Variants in ABLIM1 observed in about 807,000 individuals in gnomAD.
ABLIM1 encodes actin binding LIM protein 1.
Under a neutral mutation model 107.0 loss-of-function variants are expected in ABLIM1, and 40 were observed. The ratio of observed to expected loss-of-function variants is 0.37; its 90% confidence interval spans 0.29 to 0.49. ABLIM1 has a LOEUF of 0.49. ABLIM1 is among the 20% of genes least tolerant of loss of function. The pLI is 0.97. For synonymous variants in ABLIM1, 357 were observed against 357.3 expected (o/e 1.00, Z 0.01); for missense variants, 857 against 1,008.5 (o/e 0.85, Z 2.04).
intron 2 of ABLIM1, among the ~76,000 whole-genome samples, chr10:114,592,027 A>G (rs759744138): frequency 6.6e-6 from 1 of 152,158 alleles, no homozygotes; most frequent in African/African-American, 2.4e-5. Flanking sequence ...AGTGTCCCCT[A>G]TAAGTTTGGC....
the ABLIM1 span, among the ~76,000 whole-genome samples, chr10:114,791,511 G>A: frequency 1.3e-5 from 2 of 151,884 alleles, no homozygotes; most frequent in Non-Finnish European, 2.9e-5. Context: ...GGTGGTGGAC[G>A]CCTGTAGTCC....
At chr10:114,677,602 G>A (rs1258687086) in intron 1 of ABLIM1, among the ~76,000 whole-genome samples, 10 of 151,988 alleles carry the variant, frequency 6.6e-5, no homozygotes, top group South Asian at 2.1e-4. Flanking sequence ...GTAAAACCCC[G>A]TCTCTACCAA....
chr10:114,520,863 G>A lies in ABLIM1; in HGVS notation c.894+24142C>T, dbSNP rs549425975. 2.6e-5 allele frequency among the ~76,000 whole-genome samples: 4 copies of A among 152,010 alleles called. No homozygotes were observed. The East Asian group carries it at 5.8e-4, about 22-fold the overall frequency. On this transcript the variant is annotated intron_variant, in intron 6 of 22. Transcript: ENST00000533213. ...CATGATGGCATGCACCTGTAGTCCCGGGACTCAGGAGACTGAGGCAGGGAA... is the reference window on the plus strand; with the variant it reads ...CATGATGGCATGCACCTGTAGTCCCAGGACTCAGGAGACTGAGGCAGGGAA...
At chr10:114,683,523 C>T (rs1055973708) in intron 1 of ABLIM1, among the ~76,000 whole-genome samples, 7 of 151,988 alleles carry the variant, frequency 4.6e-5, no homozygotes, top group African/African-American at 1.7e-4. Context: ...GTCCTGGGTA[C>T]AAAGGCAAAC....
rs2077315371 is a variant in ABLIM1, at chr10:114,619,219, C to G, written c.245-17258G>C. ...CTTTCTTTTCTTTTTTTTTTTGAGA[C>G]AGTGTCTTGCTCTGTCACCCAGGCT... On this transcript the variant is annotated intron_variant, in intron 1 of 22. Transcript: ENST00000533213. The surrounding 1 kb of genome is among the most constrained non-coding windows in gnomAD (Gnocchi z 4.1). Among the ~76,000 whole-genome samples the G allele has an allele frequency of 6.9e-6, 1 of 144,262 alleles. No homozygotes were observed. Among genetic ancestry groups the G allele is most frequent in the Admixed American group, 7.1e-5 (1 of 14,178 alleles). 94.6% of individuals were successfully genotyped at this position (144,262 alleles called of 152,430 possible).
At chr10:114,484,317 C>T (rs887793050) in intron 8 of ABLIM1, among the ~76,000 whole-genome samples, 12 of 152,232 alleles carry the variant, frequency 7.9e-5, no homozygotes, top group East Asian at 5.8e-4. Context: ...TGAGATTATA[C>T]GTAAATCCCC....
intron 2 of ABLIM1, among the ~76,000 whole-genome samples, chr10:114,578,128 C>T (rs2072830996): frequency 6.6e-6 from 1 of 152,116 alleles, no homozygotes; most frequent in Non-Finnish European, 1.5e-5. Flanking sequence ...CATTCACTCT[C>T]ACAACCTCAA....
rs534663238 is a variant in ABLIM1 at position 114,529,642 on chromosome 10, C to T, written c.894+15363G>A. 4.4e-4 allele frequency among the ~76,000 whole-genome samples: 67 copies of T among 152,238 alleles called. 1 individual carries two copies. The highest frequency in any genetic ancestry group is 1.6e-3 in the African/African-American group (67 of 41,536). On this transcript the variant is annotated intron_variant, in intron 6 of 22. Coordinates refer to ENST00000533213, the MANE Select transcript of ABLIM1 (RefSeq NM_002313.7). ...AAGTCACCTCCCTAGTTGGGCAGCC[C>T]TTGGTGAGCAACCTGAGCCACCTTT...
At chr10:114,481,798 C>T (rs565207351) in intron 8 of ABLIM1, among the ~76,000 whole-genome samples, 57 of 152,260 alleles carry the variant, frequency 3.7e-4, no homozygotes, top group African/African-American at 1.3e-3. Flanking sequence ...AATACTTGGA[C>T]GAAGTGAAAG....
Position 114,657,967 on chromosome 10 carries a change from A to G in ABLIM1, c.234T>C (p.Val78=). Residue 78 remains valine, a synonymous_variant, in exon 1 of 23, where the codon GTT becomes GTC. Coordinates refer to ENST00000533213, the MANE Select transcript of ABLIM1 (RefSeq NM_002313.7). The stretch of plus-strand genomic sequence containing the variant: ...GGTTATTTTACTTACCAAAAGGATC[A>G]ACGCTGTTACATACACGCCCACGTG... ...YCPRGRVCNS[V]DPFVAHPQDP... The G allele has an allele frequency of 1.2e-6, 2 of 1,611,634 alleles. No individual in the cohort carries two copies. The highest frequency in any genetic ancestry group is 3.3e-4 in the Middle Eastern group (2 of 6,052).
chr10:114,517,369 A>C (rs546322117), intron 6 of ABLIM1, among the ~76,000 whole-genome samples: 153 of 152,288 alleles, frequency 1.0e-3, no homozygotes, highest in Non-Finnish European at 1.8e-3. Flanking sequence ...TGCAGCTCCA[A>C]GCCACGCAGC....
At chr10:114,439,831 TCTC>T (rs2059943194) in intron 20 of ABLIM1, 12 of 557,610 alleles carry the variant, frequency 2.2e-5, no homozygotes, top group Middle Eastern at 4.7e-4. Context: ...CAGAGAGGAC[TCTC>T]CAAGGCCAAA....
intron 1 of ABLIM1, among the ~76,000 whole-genome samples, chr10:114,733,925 A>G (rs1320227244): frequency 1.3e-5 from 2 of 152,026 alleles, no homozygotes; most frequent in South Asian, 2.1e-4. Flanking sequence ...CAGTGGCACA[A>G]TCTTGGCTCA....
At chr10:114,640,304 A>G (rs2078681106) in intron 1 of ABLIM1, among the ~76,000 whole-genome samples, 1 of 152,190 alleles carries the variant, frequency 6.6e-6, no homozygotes, top group African/African-American at 2.4e-5. Flanking sequence ...AGGTGGGAGG[A>G]TCATCTGAGG....
At chr10:114,452,539 G>T (rs1019966976) in intron 13 of ABLIM1, among the ~76,000 whole-genome samples, 2 of 151,584 alleles carry the variant, frequency 1.3e-5, no homozygotes, top group African/African-American at 4.8e-5. Context: ...AGAAGCAAAA[G>T]AAAAAAATGA....
intron 1 of ABLIM1, among the ~76,000 whole-genome samples, chr10:114,700,893 T>C (rs138390004): frequency 1.5e-3 from 235 of 152,220 alleles, no homozygotes; most frequent in African/African-American, 5.1e-3. Context: ...ACTCCTTGGA[T>C]AGGATAATAA....
intron 1 of ABLIM1, among the ~76,000 whole-genome samples, chr10:114,640,837 GA>G (rs1591702031): frequency 6.6e-6 from 1 of 152,004 alleles, no homozygotes; most frequent in East Asian, 1.9e-4. Context: ...GGGGAATAAA[GA>G]AAAAAGCTTT....
chr10:114,448,215 C>A (rs1336715653), intron 14 of ABLIM1, among the ~76,000 whole-genome samples, 195 bp from the exon 15 acceptor site: 1 of 152,228 alleles, frequency 6.6e-6, no homozygotes, highest in Non-Finnish European at 1.5e-5. Flanking sequence ...TACTTTACGT[C>A]AGAAGCAAAG....
rs537795357 is a variant in ABLIM1, at chr10:114,566,154, T to G, written c.673+5143A>C. ...GTCTTGATACCTGTAGGAGTTCCAA[T>G]TGCAGTTAGAATAATGATGTTGCAC... is the stretch of plus-strand genomic sequence containing the variant. On this transcript the variant is annotated intron_variant, in intron 4 of 22. Transcript: ENST00000533213. Among the ~76,000 whole-genome samples the G allele has an allele frequency of 8.8e-4, 134 of 152,268 alleles. 1 individual carries two copies. The highest frequency in any genetic ancestry group is 3.1e-3 in the African/African-American group (129 of 41,550).
Sources: gnomAD v4.1 joint callset for allele counts (sites outside exome capture counted in the v4.1 genomes callset) on GRCh38, gnomAD v4.1.1 for gene constraint, Gnocchi (gnomAD v3.1) non-coding constraint, MANE v1.5 for transcripts, NCBI Gene and HGNC (gene_info 2026-07-23, HGNC 2026-07-21) for gene names.